RPLP1: variants seen among roughly 807,000 people sequenced by gnomAD.
The protein encoded by RPLP1 is large ribosomal subunit protein P1.
In RPLP1, 4 loss-of-function variants were observed where a neutral mutation model predicts 11.6. The ratio of observed to expected loss-of-function variants is 0.34; its 90% CI spans 0.17 to 0.79. RPLP1 has a LOEUF of 0.79. Among genes scored for constraint, RPLP1 ranks in the 30% least tolerant of loss-of-function variants. RPLP1 has a pLI of 0.55. For synonymous variants in RPLP1, 54 were observed against 52.2 expected (o/e 1.03, Z -0.15); for missense variants, 133 against 142.8 (o/e 0.93, Z 0.35).
In RPLP1 at chr15:69,455,412, G is replaced by A. The variant is rs780740996; in HGVS notation, c.266-16G>A. 16 of 1,601,106 alleles carry A rather than the reference G, an allele frequency of 1.0e-5. No individual in the cohort carries two copies. Among genetic ancestry groups the A allele is most frequent in the Non-Finnish European group, 1.2e-5 (14 of 1,175,952 alleles). The stretch of plus-strand genomic sequence containing the variant: ...AGTATGGAAATCCTAACACCTGATT[G>A]ACTTTTTTTTTCTAGCTGAGGAGAA... On this transcript the variant is annotated splice_polypyrimidine_tract_variant and intron_variant, in intron 3 of 3. Coordinates refer to ENST00000260379, the MANE Select transcript of RPLP1 (RefSeq NM_001003.3).
In RPLP1 at chr15:69,455,401, A is replaced by G. The variant is rs1456680362; in HGVS notation, c.266-27A>G. 5.0e-6 allele frequency: 8 copies of G among 1,594,090 alleles called. No homozygotes were observed. In the Admixed American group the frequency reaches 1.3e-4, roughly 26 times the overall value. On this transcript the variant is annotated intron_variant, in intron 3 of 3. Transcript: ENST00000260379. Reference sequence around the variant, plus strand: ...CAAGTATATGAAGTATGGAAATCCTAACACCTGATTGACTTTTTTTTTCTA... The same window carrying G: ...CAAGTATATGAAGTATGGAAATCCTGACACCTGATTGACTTTTTTTTTCTA...
chr15:69,452,833 G>T lies in RPLP1; in HGVS notation c.-116G>T. On this transcript the variant is annotated 5_prime_UTR_variant, in exon 1 of 4. Transcript: ENST00000260379. ...GGCGCGAGAGCCCCTTTCCTCAGCT[G>T]CCGCCAAGGTGCTCGGTCCTTCCGA... 2 of 960,206 alleles carry T rather than the reference G, an allele frequency of 2.1e-6. No individual in the cohort carries two copies. Among genetic ancestry groups the T allele is most frequent in the South Asian group, 1.4e-5 (1 of 70,508 alleles). The allele number at this position is 960,206 out of a possible 1,614,324, so 59.5% of individuals were successfully genotyped here.
intron 3 of RPLP1, 57 bp downstream of exon 3, chr15:69,455,344 G>C (rs1201016421): frequency 1.6e-5 from 24 of 1,537,304 alleles, no homozygotes; most frequent in Non-Finnish European, 2.1e-5. Context: ...TTAAAAAATA[G>C]TATTATAGAC....
intron 2 of RPLP1, chr15:69,454,442 C>T (rs904776269): frequency 1.3e-5 from 2 of 152,218 alleles, no homozygotes; most frequent in Admixed American, 6.5e-5. Context: ...ATATAAAAGA[C>T]TAATAAAGAG....
intron 2 of RPLP1, 28 bp from the exon 3 acceptor site, chr15:69,455,142 T>C: frequency 6.5e-7 from 1 of 1,535,564 alleles, no homozygotes; most frequent in Non-Finnish European, 8.7e-7. Flanking sequence ...GAACTGGGCG[T>C]TTACCTATGC....
chr15:69,454,239 G>T (rs537964005), intron 2 of RPLP1: 211 of 153,496 alleles, frequency 1.4e-3, no homozygotes, highest in Middle Eastern at 3.4e-3. Flanking sequence ...CACCATGTTA[G>T]CCAGGATGGT....
rs752047646 is a variant in RPLP1, at chr15:69,455,416, T to C, written c.266-12T>C. 5 of 1,603,144 alleles carry C rather than the reference T, an allele frequency of 3.1e-6. No homozygotes were observed. The highest frequency in any genetic ancestry group is 1.7e-4 in the Middle Eastern group (1 of 5,936). ...TGGAAATCCTAACACCTGATTGACTTTTTTTTTCTAGCTGAGGAGAAGAAA... is the reference window on the plus strand; with the variant it reads ...TGGAAATCCTAACACCTGATTGACTCTTTTTTTCTAGCTGAGGAGAAGAAA... On this transcript the variant is annotated splice_polypyrimidine_tract_variant and intron_variant, in intron 3 of 3. Coordinates refer to ENST00000260379, the MANE Select transcript of RPLP1 (RefSeq NM_001003.3).
chr15:69,453,428 T>TA, intron 1 of RPLP1: 1 of 610,002 alleles, frequency 1.6e-6, no homozygotes, highest in South Asian at 2.0e-5. Context: ...CCAGGTCTTG[T>TA]AACTTAAAAA....
At chr15:69,453,940 C>T (rs1053289494) in intron 2 of RPLP1, 1 of 562,850 alleles carries the variant, frequency 1.8e-6, no homozygotes, top group African/African-American at 1.9e-5. Context: ...GCTCTGAAAC[C>T]ATGGTTAAAA....
At chr15:69,453,536 G>C in intron 1 of RPLP1, 111 bp from the exon 2 acceptor site, 1 of 1,184,066 alleles carries the variant, frequency 8.4e-7, no homozygotes, top group Non-Finnish European at 1.2e-6. Context: ...GCTTGTGATA[G>C]AATATTTGAG....
chr15:69,455,745 GGA>G lies in RPLP1; in HGVS notation c.*240_*241del, dbSNP rs1892426600. 1.9e-6 allele frequency: 1 copy of G among 529,966 alleles called. No individual in the cohort carries two copies. The highest frequency in any genetic ancestry group is 3.6e-5 in the Admixed American group (1 of 27,456). The allele number at this position is 529,966 out of a possible 1,614,324, so 32.8% of individuals were successfully genotyped here. A position where few individuals can be genotyped will look rare whatever the true frequency, so the allele number is the denominator to read the frequency against. On this transcript the variant is annotated 3_prime_UTR_variant, in exon 4 of 4. Coordinates refer to ENST00000260379, the MANE Select transcript of RPLP1 (RefSeq NM_001003.3). ...TGTTGAAAACTGCACTGGGGTGGCAGGAGGAAGGATCAGAGCAGATGCTTTGT... is the reference window on the plus strand; with the variant it reads ...TGTTGAAAACTGCACTGGGGTGGCAGGGAAGGATCAGAGCAGATGCTTTGT...
At chr15:69,454,024 G>A in intron 2 of RPLP1, 1 of 393,304 alleles carries the variant, frequency 2.5e-6, no homozygotes, top group Non-Finnish European at 4.6e-6. Context: ...TAAGTTGCAA[G>A]CAAATTCTTT....
At position 69,455,405 on chromosome 15, in the gene RPLP1, C is replaced by T. The variant is rs906017074; in HGVS notation, c.266-23C>T. On this transcript the variant is annotated intron_variant, in intron 3 of 3. Transcript: ENST00000260379. ...TATATGAAGTATGGAAATCCTAACACCTGATTGACTTTTTTTTTCTAGCTG... is the reference window on the plus strand; with the variant it reads ...TATATGAAGTATGGAAATCCTAACATCTGATTGACTTTTTTTTTCTAGCTG... 7 of 1,598,240 alleles carry T rather than the reference C, an allele frequency of 4.4e-6. No homozygotes were observed. In the African/African-American group the frequency reaches 9.5e-5, roughly 22 times the overall value.
rs1399131972 is a variant in RPLP1 at position 69,456,031 on chromosome 15, GTT to G, written c.*526_*527del. ...AGGAGTGCAGAAAGTTTACTTAATA[GTT>G]TATTAAGGTCTCCAGTTACACAAAG... On this transcript the variant is annotated 3_prime_UTR_variant, in exon 4 of 4. Transcript: ENST00000260379. 7.3e-5 allele frequency: 11 copies of G among 149,862 alleles called. No homozygotes were observed. The highest frequency in any genetic ancestry group is 2.2e-4 in the African/African-American group (9 of 40,946). The allele number at this position is 149,862 out of a possible 1,614,324, so 9.3% of individuals were successfully genotyped here.
Position 69,453,002 on chromosome 15 carries a change from C to T in RPLP1, c.54C>T (p.Asp18=). The T allele has an allele frequency of 3.2e-6, 5 of 1,574,622 alleles. No individual in the cohort carries two copies. In the South Asian group the frequency reaches 5.8e-5, roughly 18 times the overall value. Residue 18 remains aspartate, a synonymous_variant, in exon 1 of 4, where the codon GAC becomes GAT. Coordinates refer to ENST00000260379, the MANE Select transcript of RPLP1 (RefSeq NM_001003.3). ...ACIYSALILH[D]DEVTVTEDKI... ...TCTACTCGGCCCTCATTCTGCACGA[C>T]GATGAGGTGACAGTCACGGTGAGTG...
rs1892433900 is a variant in RPLP1, at chr15:69,456,132, T to C, written c.*625T>C. 1 of 152,202 alleles carries C rather than the reference T, an allele frequency of 6.6e-6. No homozygotes were observed. The highest frequency in any genetic ancestry group is 2.4e-5 in the African/African-American group (1 of 41,420). 9.4% of individuals were successfully genotyped at this position (152,202 alleles called of 1,614,324 possible). On this transcript the variant is annotated 3_prime_UTR_variant, in exon 4 of 4. Coordinates refer to ENST00000260379, the MANE Select transcript of RPLP1 (RefSeq NM_001003.3). ...TTTTGTTTGCCAATTAATAATACCA[T>C]GAATGGAATTTTCAACTTTTCAGGC... is the stretch of plus-strand genomic sequence containing the variant.
Position 69,453,035 on chromosome 15 carries a change from G to T in RPLP1, c.72+15G>T, listed in dbSNP as rs757120424. 6.4e-7 allele frequency: 1 copy of T among 1,553,422 alleles called. No individual in the cohort carries two copies. On this transcript the variant is annotated intron_variant, in intron 1 of 3. Transcript: ENST00000260379. ...TGACAGTCACGGTGAGTGCGGGCGC[G>T]GGCCGGCGGCCGGGCTGCCTGTGGG...
At chr15:69,453,858 T>C in intron 2 of RPLP1, 137 bp downstream of exon 2, 1 of 784,282 alleles carries the variant, frequency 1.3e-6, no homozygotes, top group Non-Finnish European at 2.2e-6. Context: ...GTTGCATGTA[T>C]ATCTCTAGGA....
At chr15:69,453,324 T>G (rs1341787004) in intron 1 of RPLP1, 1 of 573,782 alleles carries the variant, frequency 1.7e-6, no homozygotes, top group African/African-American at 1.9e-5. Flanking sequence ...CCGTGCCTCG[T>G]CTCTCTCAGG....
Sources: gnomAD v4.1 joint callset for allele counts on GRCh38, gnomAD v4.1.1 for gene constraint, MANE v1.5 for transcripts, NCBI Gene and HGNC (gene_info 2026-07-23, HGNC 2026-07-21) for gene names.